Variants in DHRS7C observed in about 807,000 individuals in gnomAD.
DHRS7C encodes the protein dehydrogenase/reductase SDR family member 7C.
DHRS7C carries 28 observed loss-of-function variants against 29.6 expected under a neutral mutation model. The ratio of observed to expected loss-of-function variants is 0.95; its 90% CI spans 0.70 to 1.30. DHRS7C has a LOEUF of 1.30. Among genes scored for constraint, DHRS7C ranks in the 50% most tolerant of loss-of-function variants. The pLI, the probability that DHRS7C is intolerant of heterozygous loss-of-function variation, is 0.00. For missense variants in DHRS7C, 403 were observed against 393.3 expected (o/e 1.02, Z -0.21); for synonymous variants, 158 against 160.2 (o/e 0.99, Z 0.10).
At chr17:9,790,214 A>C (rs879503893) in intron 1 of DHRS7C, among the ~76,000 whole-genome samples, 1 of 152,082 alleles carries the variant, frequency 6.6e-6, no homozygotes, top group Non-Finnish European at 1.5e-5. Flanking sequence ...GACATAGTGG[A>C]CTCAGTGGAC....
intron 3 of DHRS7C, among the ~76,000 whole-genome samples, chr17:9,778,453 G>A (rs371926403): frequency 1.3e-5 from 2 of 151,934 alleles, no homozygotes; most frequent in African/African-American, 2.4e-5. Context: ...ACGGAAGTCC[G>A]GCGCTAGGGA....
In DHRS7C at chr17:9,779,981, C is replaced by T; in HGVS notation, c.322G>A (p.Asp108Asn). ...LDLSDISCVP[D>N]VAKEVLDCYG... is the part of the protein sequence containing the mutation. ...CAATCCAGGACTTCTTTTGCCACAT[C>T]TGGGACACAGCTGATGTCTGAGAGG... is the stretch of plus-strand genomic sequence containing the variant. The change falls in exon 3 of 6, where the codon GAT (aspartate) becomes AAT (asparagine). Residue 108 changes from aspartate to asparagine, a missense_variant. By Grantham distance (23) the Asp-to-Asn change is conservative. Coordinates refer to ENST00000571134, the MANE Select transcript of DHRS7C (RefSeq NM_001105571.3). 6.2e-7 allele frequency: 1 copy of T among 1,613,912 alleles called. No individual in the cohort carries two copies. The highest frequency in any genetic ancestry group is 8.5e-7 in the Non-Finnish European group (1 of 1,179,882).
intron 1 of DHRS7C, among the ~76,000 whole-genome samples, chr17:9,784,860 A>T (rs1421862885): frequency 6.6e-6 from 1 of 152,230 alleles, no homozygotes; most frequent in Non-Finnish European, 1.5e-5. Flanking sequence ...CTAACAACTG[A>T]TGTTGCAGAA....
At chr17:9,779,228 G>C (rs534228075) in intron 3 of DHRS7C, among the ~76,000 whole-genome samples, 1 of 152,180 alleles carries the variant, frequency 6.6e-6, no homozygotes, top group African/African-American at 2.4e-5. Context: ...ACTTGATGGT[G>C]AGAAATCTGC....
At position 9,779,127 on chromosome 17, in the gene DHRS7C, C is replaced by G. The variant is rs556000080; in HGVS notation, c.478+698G>C. On this transcript the variant is annotated intron_variant, in intron 3 of 5. Coordinates refer to ENST00000571134, the MANE Select transcript of DHRS7C (RefSeq NM_001105571.3). Reference sequence around the variant, plus strand: ...GTTTCACCATGTTGGCCAGGCTGGTCTCGAATTCCTGACTTCATGATCTGT... The same window carrying G: ...GTTTCACCATGTTGGCCAGGCTGGTGTCGAATTCCTGACTTCATGATCTGT... Among the ~76,000 whole-genome samples the G allele has an allele frequency of 3.9e-5, 6 of 152,172 alleles. No individual in the cohort carries two copies. The South Asian group carries it at 1.2e-3, about 32-fold the overall frequency.
At chr17:9,779,741 T>A (rs971730483) in intron 3 of DHRS7C, 84 bp downstream of exon 3, 3 of 1,382,098 alleles carry the variant, frequency 2.2e-6, no homozygotes, top group South Asian at 1.3e-5. Flanking sequence ...CCATATAGAA[T>A]AGGATGACTG....
Position 9,772,823 on chromosome 17 carries a change from A to G in DHRS7C, c.671T>C (p.Ile224Thr). Residue 224 changes from isoleucine (I) to threonine (T), a missense_variant, in exon 5 of 6, where the codon ATC becomes ACC. Transcript: ENST00000571134. Reference sequence around the variant, plus strand: ...CTCTGGATACACGTGGTACGACCGGATGAAAGTCGGGCTCACGGTGCTGAT... The same window carrying G: ...CTCTGGATACACGTGGTACGACCGGGTGAAAGTCGGGCTCACGGTGCTGAT... The part of the protein sequence containing the change: ...VVISTVSPTF[I>T]RSYHVYPEQG... 1.2e-6 allele frequency: 2 copies of G among 1,613,964 alleles called. No individual in the cohort carries two copies. Among genetic ancestry groups the G allele is most frequent in the Non-Finnish European group, 1.7e-6 (2 of 1,179,892 alleles).
chr17:9,781,426 C>T lies in DHRS7C; in HGVS notation c.267+56G>A, dbSNP rs567831346. On this transcript the variant is annotated intron_variant, in intron 2 of 5. Transcript: ENST00000571134. ...GGTCCAAGAGCTGGTCCTGAACAAT[C>T]AATGGAGGCTGGGAGTTCCCAGGAG... The T allele has an allele frequency of 4.5e-4, 698 of 1,538,214 alleles. 11 individuals are homozygous for T. The South Asian group carries it at 5.6e-3, about 12-fold the overall frequency.
chr17:9,772,090 C>T (rs62065985), intron 5 of DHRS7C, among the ~76,000 whole-genome samples: 11,656 of 152,150 alleles, frequency 0.077, 605 homozygotes, highest in African/African-American at 0.16. Flanking sequence ...TGGATCATCT[C>T]GGTTCCTCAA....
At chr17:9,773,039 G>C in intron 4 of DHRS7C, 117 bp from the exon 5 acceptor site, 2 of 1,268,322 alleles carry the variant, frequency 1.6e-6, no homozygotes, top group Non-Finnish European at 1.1e-6. Context: ...GAGCTGGGAA[G>C]ATCCTCAAGA....
At position 9,791,266 on chromosome 17, in the gene DHRS7C, G is replaced by T. The variant is rs750537560; in HGVS notation, c.19C>A (p.Leu7Met). 9.9e-6 allele frequency: 16 copies of T among 1,613,590 alleles called. No individual in the cohort carries two copies. The East Asian group carries it at 3.6e-4, about 36-fold the overall frequency. Residue 7 changes from leucine to methionine, a missense_variant, in exon 1 of 6, where the codon CTG becomes ATG. Physicochemically the swap from Leu to Met is conservative, Grantham distance 15. Coordinates refer to ENST00000571134, the MANE Select transcript of DHRS7C (RefSeq NM_001105571.3). The part of the protein sequence containing the change: MGVMAM[L>M]MLPLLLLGIS... ...CCCAGCAGCAGCAGGGGGAGCATCA[G>T]CATGGCCATGACTCCCATCTTGTTC...
At chr17:9,787,992 G>A (rs1004929112) in intron 1 of DHRS7C, among the ~76,000 whole-genome samples, 37 of 152,208 alleles carry the variant, frequency 2.4e-4, no homozygotes, top group African/African-American at 8.4e-4. Context: ...GATTACAGGC[G>A]TGAGCCACAG....
rs1178447641 is a variant in DHRS7C, at chr17:9,774,993, AG to A, written c.572-2072del. Among the ~76,000 whole-genome samples, 1 of 152,208 alleles carries A rather than the reference AG, an allele frequency of 6.6e-6. No homozygotes were observed. Among genetic ancestry groups the A allele is most frequent in the Non-Finnish European group, 1.5e-5 (1 of 68,042 alleles). On this transcript the variant is annotated intron_variant, in intron 4 of 5. Transcript: ENST00000571134. The surrounding 1 kb of genome is among the most constrained non-coding windows in gnomAD (Gnocchi z 5.0). ...TGGAGACAGCCTTGAGAGAATTCTG[AG>A]TCCCCAATACTGTGTTTTGCAAATG...
chr17:9,791,445 CA>C lies in DHRS7C; in HGVS notation c.-162del, dbSNP rs1438586804. The C allele has an allele frequency of 7.8e-6, 6 of 766,056 alleles. No homozygotes were observed. Among genetic ancestry groups the C allele is most frequent in the Non-Finnish European group, 1.2e-5 (6 of 499,368 alleles). 47.5% of individuals were successfully genotyped at this position (766,056 alleles called of 1,614,324 possible). ...GGCGTGCTAATCCCCAAATGTTCAA[CA>C]AATAGGAAGTTACTCACAGTGTCTC... On this transcript the variant is annotated 5_prime_UTR_variant, in exon 1 of 6. Transcript: ENST00000571134.
chr17:9,773,741 T>TTTTTTTTTTTC (rs57969612), intron 4 of DHRS7C, among the ~76,000 whole-genome samples: 2 of 129,290 alleles, frequency 1.5e-5, no homozygotes, highest in East Asian at 2.5e-4. Flanking sequence ...TTTTTTTTTT[T>TTTTTTTTTTTC]TGAGACGGCG....
intron 1 of DHRS7C, among the ~76,000 whole-genome samples, chr17:9,787,189 C>T (rs943464586): frequency 4.6e-5 from 7 of 152,162 alleles, no homozygotes; most frequent in Non-Finnish European, 7.3e-5. Flanking sequence ...CAGGTCATCC[C>T]CCTGCTTCGG....
rs916244944 is a variant in DHRS7C at position 9,787,836 on chromosome 17, T to G, written c.154+3295A>C. Among the ~76,000 whole-genome samples the G allele has an allele frequency of 2.0e-5, 3 of 152,044 alleles. No homozygotes were observed. In the South Asian group the frequency reaches 6.2e-4, roughly 32 times the overall value. On this transcript the variant is annotated intron_variant, in intron 1 of 5. Coordinates refer to ENST00000571134, the MANE Select transcript of DHRS7C (RefSeq NM_001105571.3). ...GATCCTCCCACCTCAGCCTCCTGAG[T>G]AGCTGGGAATGCAGGCATATGCCAC...
chr17:9,779,275 G>C (rs765227028), intron 3 of DHRS7C, among the ~76,000 whole-genome samples: 1 of 152,132 alleles, frequency 6.6e-6, no homozygotes, highest in Non-Finnish European at 1.5e-5. Context: ...ACAGGTTCAC[G>C]TAGGAATCAC....
chr17:9,783,451 A>G (rs1280814837), intron 1 of DHRS7C, among the ~76,000 whole-genome samples: 1 of 152,238 alleles, frequency 6.6e-6, no homozygotes, highest in African/African-American at 2.4e-5. Context: ...TACACTTTAT[A>G]TGGCATATTT....
Sources: allele counts gnomAD v4.1 joint callset (sites outside exome capture counted in the v4.1 genomes callset), GRCh38; gene constraint gnomAD v4.1.1; non-coding constraint Gnocchi (gnomAD v3.1); transcripts MANE v1.5; gene names NCBI Gene and HGNC (gene_info 2026-07-23, HGNC 2026-07-21).